The following SGCZ variants were observed in gnomAD, a reference collection of about 807,000 sequenced individuals.
The protein encoded by SGCZ is sarcoglycan zeta, also known as zeta-sarcoglycan.
A neutral mutation model predicts 41.3 loss-of-function variants in SGCZ; 40 were observed. The observed-to-expected ratio is 0.97, with a 90% CI of 0.75 to 1.26. The LOEUF (loss-of-function observed/expected upper bound fraction) is 1.26, where lower values mean the gene tolerates loss of function less well. Among genes scored for constraint, SGCZ ranks in the 50% most tolerant of loss-of-function variants. SGCZ has a pLI of 0.00. For synonymous variants in SGCZ, 206 were observed against 137.5 expected, an observed-to-expected ratio of 1.50 and a Z score of -3.49; for missense variants, 552 against 369.8, an observed-to-expected ratio of 1.49 and a Z score of -4.04.
chr8:15,204,351 G>A (rs900502261), intron 1 of SGCZ, among the ~76,000 whole-genome samples: 2 of 152,144 alleles, frequency 1.3e-5, no homozygotes, highest in African/African-American at 2.4e-5. Context: ...TGTGTAGAAG[G>A]AAAGACATGA....
chr8:14,441,505 G>T (rs191265282), intron 2 of SGCZ, among the ~76,000 whole-genome samples: 1 of 152,304 alleles, frequency 6.6e-6, no homozygotes, highest in Admixed American at 6.5e-5. Flanking sequence ...AACCTGGGAG[G>T]TGGAGGTTGC....
chr8:14,606,156 T>A (rs1371070156), intron 1 of SGCZ, among the ~76,000 whole-genome samples: 1 of 152,144 alleles, frequency 6.6e-6, no homozygotes, highest in Admixed American at 6.6e-5. Context: ...AATGCTAAAA[T>A]AGTCTTTTTA....
intron 3 of SGCZ, among the ~76,000 whole-genome samples, chr8:14,263,403 G>C (rs1799748193): frequency 6.6e-6 from 1 of 151,986 alleles, no homozygotes; most frequent in Admixed American, 6.6e-5. Flanking sequence ...ACAAAAATTA[G>C]CCAGGCGTGG....
chr8:14,270,237 C>A (rs1418183207), intron 3 of SGCZ, among the ~76,000 whole-genome samples: 1 of 152,004 alleles, frequency 6.6e-6, no homozygotes, highest in Non-Finnish European at 1.5e-5. Flanking sequence ...GAGGCTGAGG[C>A]AGGAGAATCA....
At chr8:14,238,848 C>A (rs113141570) in intron 3 of SGCZ, among the ~76,000 whole-genome samples, 2,037 of 152,066 alleles carry the variant, frequency 0.013, 27 homozygotes, top group African/African-American at 0.034. Flanking sequence ...CCAATATCAT[C>A]CTTACCATCT....
At chr8:14,560,847 A>G (rs1357724806) in intron 1 of SGCZ, among the ~76,000 whole-genome samples, 1 of 150,340 alleles carries the variant, frequency 6.7e-6, no homozygotes, top group African/African-American at 2.4e-5. Context: ...AGGCTAAAAG[A>G]AAAGTTGTGA....
chr8:14,991,993 GA>G (rs1230952844), intron 1 of SGCZ, among the ~76,000 whole-genome samples: 1 of 141,368 alleles, frequency 7.1e-6, no homozygotes, highest in African/African-American at 2.7e-5. Context: ...TATTGCCATT[GA>G]TATTTACCCC....
At chr8:14,434,982 A>C (rs909162034) in intron 2 of SGCZ, among the ~76,000 whole-genome samples, 8 of 152,158 alleles carry the variant, frequency 5.3e-5, no homozygotes, top group African/African-American at 1.9e-4. Flanking sequence ...AATGGTAAGA[A>C]ATAAATTTGT....
At chr8:14,723,651 A>G (rs897792323) in intron 1 of SGCZ, among the ~76,000 whole-genome samples, 1 of 151,438 alleles carries the variant, frequency 6.6e-6, no homozygotes, top group African/African-American at 2.5e-5. Flanking sequence ...CATAGAACAC[A>G]TGAAATTTAT....
intron 4 of SGCZ, among the ~76,000 whole-genome samples, chr8:14,170,165 C>T (rs1206754366): frequency 6.6e-6 from 1 of 151,450 alleles, no homozygotes; most frequent in Non-Finnish European, 1.5e-5. Flanking sequence ...CTTCCACTTT[C>T]AACAATCACT....
intron 2 of SGCZ, among the ~76,000 whole-genome samples, chr8:14,400,714 G>C (rs1291783514): frequency 6.6e-6 from 1 of 151,986 alleles, no homozygotes; most frequent in African/African-American, 2.4e-5. Context: ...CTATTCTTGA[G>C]TCTGTGTTTT....
At chr8:14,549,676 A>C (rs1332126116) in intron 2 of SGCZ, among the ~76,000 whole-genome samples, 2 of 152,104 alleles carry the variant, frequency 1.3e-5, no homozygotes, top group Non-Finnish European at 2.9e-5. Flanking sequence ...ACATATTTGG[A>C]TGAACCATAT....
At chr8:14,124,985 C>T (rs1255819209) in intron 5 of SGCZ, among the ~76,000 whole-genome samples, 2 of 152,058 alleles carry the variant, frequency 1.3e-5, no homozygotes, top group African/African-American at 2.4e-5. Flanking sequence ...CACAAAAATT[C>T]CTATACACGA....
chr8:14,765,443 T>G (rs1037727706), intron 1 of SGCZ, among the ~76,000 whole-genome samples: 1 of 152,184 alleles, frequency 6.6e-6, no homozygotes, highest in Non-Finnish European at 1.5e-5. Flanking sequence ...GACTCATAAC[T>G]GGAGGCCTGA....
chr8:15,135,709 A>G lies in SGCZ; in HGVS notation c.39+101876T>C, dbSNP rs544812684. On this transcript the variant is annotated intron_variant, in intron 1 of 7. Transcript: ENST00000382080. The stretch of plus-strand genomic sequence containing the variant: ...ACTGTGTGTAGTACTGATGCCGGGC[A>G]GGCAAGCCCCAGAACTGGGGCTTGG... Among the ~76,000 whole-genome samples the G allele has an allele frequency of 3.9e-4, 59 of 152,226 alleles. 1 individual carries two copies. The highest frequency in any genetic ancestry group is 1.4e-3 in the African/African-American group (57 of 41,582).
chr8:14,642,079 G>A (rs991645339), intron 1 of SGCZ, among the ~76,000 whole-genome samples: 8 of 151,560 alleles, frequency 5.3e-5, no homozygotes, highest in African/African-American at 7.3e-5. Flanking sequence ...AATTCACCTG[G>A]AAGTATTTTA....
intron 4 of SGCZ, among the ~76,000 whole-genome samples, chr8:14,178,173 C>G (rs1222247616): frequency 6.6e-6 from 1 of 151,776 alleles, no homozygotes; most frequent in African/African-American, 2.4e-5. Context: ...AGGCTGGTCT[C>G]GAACTCCTAA....
intron 5 of SGCZ, among the ~76,000 whole-genome samples, chr8:14,108,552 G>C (rs992568743): frequency 7.2e-5 from 11 of 152,062 alleles, no homozygotes; most frequent in African/African-American, 2.4e-4. Context: ...AATACCATCA[G>C]ATCTCGTGAG....
At chr8:14,622,639 A>C (rs1369379993) in intron 1 of SGCZ, among the ~76,000 whole-genome samples, 1 of 152,204 alleles carries the variant, frequency 6.6e-6, no homozygotes, top group African/African-American at 2.4e-5. Context: ...TTAAAAAGTG[A>C]TTAGAAAATA....
Sources: gnomAD v4.1 joint callset for allele counts (sites outside exome capture counted in the v4.1 genomes callset) on GRCh38, gnomAD v4.1.1 for gene constraint, MANE v1.5 for transcripts, NCBI Gene and HGNC (gene_info 2026-07-23, HGNC 2026-07-21) for gene names.